CSMD2: variants seen among roughly 807,000 people sequenced by gnomAD.
The protein encoded by CSMD2 is CUB and sushi domain-containing protein 2.
In CSMD2, 130 loss-of-function variants were observed where a neutral mutation model predicts 398.5. The observed-to-expected ratio is 0.33, with a 90% CI of 0.28 to 0.38. The LOEUF (loss-of-function observed/expected upper bound fraction) is 0.38, where lower values mean the gene tolerates loss of function less well. Ranked by LOEUF, CSMD2 falls within the 10% of genes least tolerant of loss-of-function variation. The pLI is 1.00. For missense variants in CSMD2, 3,829 were observed against 4,764.9 expected, an observed-to-expected ratio of 0.80 and a Z score of 5.78; for synonymous variants, 1,828 against 1,908.5, an observed-to-expected ratio of 0.96 and a Z score of 1.10.
chr1:33,873,879 C>T (rs531831497), intron 5 of CSMD2: 1 of 152,388 alleles, frequency 6.6e-6, no homozygotes, highest in East Asian at 1.9e-4. Flanking sequence ...GGCTACACTG[C>T]ATTTTCCCCA....
At chr1:33,772,788 G>A (rs1557870795) in intron 12 of CSMD2, 37 bp from the exon 13 acceptor site, 1 of 1,580,692 alleles carries the variant, frequency 6.3e-7, no homozygotes, top group East Asian at 2.3e-5. Flanking sequence ...GAGACAAAAG[G>A]TGACTTTATA....
At chr1:33,822,845 C>T (rs3843295) in intron 7 of CSMD2, among the ~76,000 whole-genome samples, 104,221 of 152,070 alleles carry the variant, frequency 0.69, 37,010 homozygotes, top group African/African-American at 0.89. Context: ...AGTGATCCGT[C>T]CCTACTGCAG....
chr1:34,035,662 T>C (rs1164890062), intron 2 of CSMD2, among the ~76,000 whole-genome samples: 4 of 142,400 alleles, frequency 2.8e-5, no homozygotes, highest in Non-Finnish European at 6.1e-5. Flanking sequence ...AACACCCGTT[T>C]GTAGTTAAAC....
chr1:33,879,517 C>T (rs150473655), intron 5 of CSMD2, among the ~76,000 whole-genome samples: 1 of 152,322 alleles, frequency 6.6e-6, no homozygotes, highest in Non-Finnish European at 1.5e-5. Context: ...GAAAGTCACA[C>T]AAATACCTGA....
intron 7 of CSMD2, among the ~76,000 whole-genome samples, chr1:33,823,109 G>A (rs1658348120): frequency 6.6e-6 from 1 of 152,176 alleles, no homozygotes; most frequent in African/African-American, 2.4e-5. Context: ...GCGAGACCAT[G>A]GCAAAGCCCA....
intron 56 of CSMD2, 96 bp from the exon 57 acceptor site, chr1:33,546,315 T>G: frequency 7.9e-7 from 1 of 1,272,682 alleles, no homozygotes; most frequent in Non-Finnish European, 1.1e-6. Context: ...ACTAAGGGGA[T>G]GCAGTGGGTC....
chr1:33,864,431 C>T lies in CSMD2; in HGVS notation c.921-17435G>A, dbSNP rs753828423. The T allele has an allele frequency of 1.4e-5, 23 of 1,613,576 alleles. 1 individual carries two copies. In the Middle Eastern group the frequency reaches 8.3e-4, roughly 58 times the overall value. Reference sequence around the variant, plus strand: ...AGGAAGAAATGATGAATTATGTTGGCAAGAGGAAGAAACGGAGAAAGCGGG... The same window carrying T: ...AGGAAGAAATGATGAATTATGTTGGTAAGAGGAAGAAACGGAGAAAGCGGG... On this transcript the variant is annotated intron_variant, in intron 5 of 70. Coordinates refer to ENST00000373381, the MANE Select transcript of CSMD2 (RefSeq NM_001281956.2).
At chr1:34,070,451 A>C (rs1309328136) in intron 2 of CSMD2, among the ~76,000 whole-genome samples, 3 of 152,224 alleles carry the variant, frequency 2.0e-5, no homozygotes, top group Non-Finnish European at 4.4e-5. Flanking sequence ...GAACTCAGCC[A>C]CACCTTCTTA....
Position 33,525,659 on chromosome 1 carries a change from G to C in CSMD2, c.10235-616C>G, listed in dbSNP as rs189016068. Among the ~76,000 whole-genome samples, 10 of 152,312 alleles carry C rather than the reference G, an allele frequency of 6.6e-5. No homozygotes were observed. The East Asian group carries it at 1.9e-3, about 29-fold the overall frequency. On this transcript the variant is annotated intron_variant, in intron 65 of 70. Transcript: ENST00000373381. ...CATAGTGACTATAGTTAATAAGAAT[G>C]TATTGTACATTTCAAAATTGCTGAA...
intron 9 of CSMD2, among the ~76,000 whole-genome samples, chr1:33,817,657 C>CTT: frequency 6.6e-6 from 1 of 152,234 alleles, no homozygotes; most frequent in Admixed American, 6.5e-5. Context: ...AATATGTGTG[C>CTT]ACGTAAGTCT....
intron 6 of CSMD2, among the ~76,000 whole-genome samples, chr1:33,832,740 T>A (rs1000164698): frequency 6.7e-6 from 1 of 150,152 alleles, no homozygotes; most frequent in Admixed American, 6.6e-5. Context: ...TCAACAAAAT[T>A]GATAGACCGC....
chr1:33,815,897 G>A (rs1657406809), intron 9 of CSMD2, among the ~76,000 whole-genome samples: 1 of 152,120 alleles, frequency 6.6e-6, no homozygotes, highest in South Asian at 2.1e-4. Context: ...GAGAGGAGAA[G>A]AGAGGAAAGA....
At chr1:33,975,852 C>G (rs1645944067) in intron 3 of CSMD2, among the ~76,000 whole-genome samples, 1 of 152,148 alleles carries the variant, frequency 6.6e-6, no homozygotes, top group Non-Finnish European at 1.5e-5. Flanking sequence ...AGGGAGAAAC[C>G]CAGCAGGTGG....
At chr1:33,620,251 A>G (rs1424904369) in intron 37 of CSMD2, among the ~76,000 whole-genome samples, 1 of 152,250 alleles carries the variant, frequency 6.6e-6, no homozygotes, top group South Asian at 2.1e-4. Flanking sequence ...AGTGGATGTG[A>G]CTTTTCAGTA....
intron 44 of CSMD2, among the ~76,000 whole-genome samples, chr1:33,596,388 C>T (rs1639838623): frequency 6.6e-6 from 1 of 152,140 alleles, no homozygotes; most frequent in African/African-American, 2.4e-5. Context: ...AGTGTGGCTC[C>T]CCCTGACACC....
At chr1:33,970,170 C>T (rs1397098776) in intron 3 of CSMD2, among the ~76,000 whole-genome samples, 1 of 151,486 alleles carries the variant, frequency 6.6e-6, no homozygotes, top group Non-Finnish European at 1.5e-5. Context: ...ACTCCAAAGC[C>T]ACTGTGCTGG....
intron 10 of CSMD2, among the ~76,000 whole-genome samples, chr1:33,809,831 A>C (rs1656651653): frequency 6.6e-6 from 1 of 152,154 alleles, no homozygotes; most frequent in Non-Finnish European, 1.5e-5. Flanking sequence ...TAAAAATCAA[A>C]GTACAAAATC....
intron 57 of CSMD2, among the ~76,000 whole-genome samples, chr1:33,544,285 T>A (rs910939816): frequency 6.7e-6 from 1 of 150,372 alleles, no homozygotes; most frequent in Non-Finnish European, 1.5e-5. Context: ...TTTTTTTTTT[T>A]TTTTTGTATT....
chr1:33,529,971 T>C (rs1401446125), intron 64 of CSMD2, among the ~76,000 whole-genome samples: 3 of 152,188 alleles, frequency 2.0e-5, no homozygotes, highest in African/African-American at 7.2e-5. Flanking sequence ...AGGATTTGAA[T>C]AGACATTTCT....
Sources: gnomAD v4.1 joint callset for allele counts (sites outside exome capture counted in the v4.1 genomes callset) on GRCh38, gnomAD v4.1.1 for gene constraint, MANE v1.5 for transcripts, NCBI Gene and HGNC (gene_info 2026-07-23, HGNC 2026-07-21) for gene names.